Variants in ADAMTS2 observed in about 807,000 individuals in gnomAD.
The protein encoded by ADAMTS2 is ADAM metallopeptidase with thrombospondin type 1 motif 2.
A neutral mutation model predicts 123.0 loss-of-function variants in ADAMTS2; 50 were observed. The observed-to-expected ratio is 0.41, with a 90% CI of 0.32 to 0.51. The LOEUF (loss-of-function observed/expected upper bound fraction) is 0.51. Among genes scored for constraint, ADAMTS2 ranks in the 20% least tolerant of loss-of-function variants. The probability of loss-of-function intolerance (pLI) is 0.35; values close to 1 mark genes in which losing one functional copy is unlikely to be tolerated. For missense variants in ADAMTS2, 1,494 were observed against 1,705.2 expected, an observed-to-expected ratio of 0.88 and a Z score of 2.18; for synonymous variants, 678 against 695.4, an observed-to-expected ratio of 0.98 and a Z score of 0.39.
chr5:179,327,879 C>T (rs1050499755), intron 2 of ADAMTS2, among the ~76,000 whole-genome samples: 9 of 152,116 alleles, frequency 5.9e-5, no homozygotes, highest in South Asian at 2.1e-4. Flanking sequence ...TAACTGCACA[C>T]GTAGAGAATC....
chr5:179,288,170 T>G (rs1003226941), intron 2 of ADAMTS2, among the ~76,000 whole-genome samples: 3 of 152,192 alleles, frequency 2.0e-5, no homozygotes, highest in African/African-American at 7.2e-5. Context: ...TCCGGCCTCA[T>G]GCACACACAG....
intron 2 of ADAMTS2, among the ~76,000 whole-genome samples, chr5:179,323,952 A>G (rs1293679457): frequency 1.2e-4 from 19 of 152,274 alleles, no homozygotes; most frequent in Admixed American, 9.2e-4. Context: ...ATGGAATCAT[A>G]TCTTTCCATC....
intron 3 of ADAMTS2, among the ~76,000 whole-genome samples, chr5:179,233,357 T>C (rs1415680880): frequency 6.8e-6 from 1 of 147,524 alleles, no homozygotes; most frequent in Non-Finnish European, 1.5e-5. Flanking sequence ...CTTTGTTAAA[T>C]GCTATGCTTG....
chr5:179,236,121 A>G (rs1765516205), intron 3 of ADAMTS2, among the ~76,000 whole-genome samples: 1 of 152,198 alleles, frequency 6.6e-6, no homozygotes. Flanking sequence ...GCCCTCTGCC[A>G]TGAGGTCAGC....
chr5:179,209,690 G>A (rs113690481), intron 3 of ADAMTS2, among the ~76,000 whole-genome samples: 158 of 152,322 alleles, frequency 1.0e-3, no homozygotes, highest in Non-Finnish European at 1.9e-3. Flanking sequence ...GTGGGGAGCC[G>A]AGCAGTCCAC....
chr5:179,154,742 G>T, intron 7 of ADAMTS2, 72 bp downstream of exon 7: 1 of 1,273,234 alleles, frequency 7.9e-7, no homozygotes. Flanking sequence ...AGGCACAGAG[G>T]AGAAGTGGGC....
intron 5 of ADAMTS2, among the ~76,000 whole-genome samples, chr5:179,166,061 C>G (rs1441453581): frequency 6.6e-6 from 1 of 152,198 alleles, no homozygotes. Flanking sequence ...AACTGGGCTC[C>G]ACTGCCCGAG....
At chr5:179,263,355 C>T (rs1766280958) in intron 3 of ADAMTS2, among the ~76,000 whole-genome samples, 1 of 114,814 alleles carries the variant, frequency 8.7e-6, no homozygotes, top group African/African-American at 2.7e-5. Context: ...AGCATTATTC[C>T]CCCATGATTT....
intron 5 of ADAMTS2, among the ~76,000 whole-genome samples, chr5:179,169,568 C>T (rs1213395741): frequency 6.6e-6 from 1 of 152,148 alleles, no homozygotes; most frequent in African/African-American, 2.4e-5. Flanking sequence ...GACCCAGATG[C>T]TCAGGAGGAC....
In ADAMTS2 at chr5:179,202,058, A is replaced by T. The variant is rs1274341275; in HGVS notation, c.891+5455T>A. Among the ~76,000 whole-genome samples, 2 of 152,156 alleles carry T rather than the reference A, an allele frequency of 1.3e-5. No homozygotes were observed. Among genetic ancestry groups the T allele is most frequent in the African/African-American group, 4.8e-5 (2 of 41,442 alleles). On this transcript the variant is annotated intron_variant, in intron 4 of 21. Transcript: ENST00000251582. The surrounding 1 kb of genome is among the most constrained non-coding windows in gnomAD (Gnocchi z 4.0). ...TGAAAAGGGCAGCTTCATCTTTCCC[A>T]TAGAAAAGGGAATATCACGTCTTGT...
intron 2 of ADAMTS2, among the ~76,000 whole-genome samples, chr5:179,290,835 A>G (rs963055750): frequency 6.6e-6 from 1 of 152,168 alleles, no homozygotes; most frequent in Non-Finnish European, 1.5e-5. Context: ...GAGCAAGTAC[A>G]GAGGCCCTGA....
intron 3 of ADAMTS2, among the ~76,000 whole-genome samples, chr5:179,245,796 C>A (rs71596408): frequency 0.4 from 28,097 of 70,204 alleles, 5,232 homozygotes; most frequent in Non-Finnish European, 0.5. Flanking sequence ...AAAAAAAAAA[C>A]AAAAAAAACA....
intron 4 of ADAMTS2, among the ~76,000 whole-genome samples, chr5:179,186,532 C>A (rs1340581364): frequency 6.6e-6 from 1 of 152,164 alleles, no homozygotes; most frequent in Non-Finnish European, 1.5e-5. Flanking sequence ...CAGGAGGCTG[C>A]AAAATTGCCA....
Position 179,156,961 on chromosome 5 carries a change from C to CTT in ADAMTS2, c.1132+1760_1132+1761dup, listed in dbSNP as rs70997667. On this transcript the variant is annotated intron_variant, in intron 6 of 21. Transcript: ENST00000251582. ...ACCCTTGGCTGTCCTTTCATTTTTT[C>CTT]TTTTTTTTTTTTTTTTTTTTGAGAC... Among the ~76,000 whole-genome samples the CTT allele has an allele frequency of 3.9e-3, 426 of 108,364 alleles. 8 individuals are homozygous for CTT. Among genetic ancestry groups the CTT allele is most frequent in the Non-Finnish European group, 4.2e-3 (228 of 53,936 alleles). The allele number at this position is 108,364 out of a possible 152,430, so 71.1% of individuals were successfully genotyped here.
At chr5:179,340,430 G>A (rs1357574471) in intron 2 of ADAMTS2, among the ~76,000 whole-genome samples, 1 of 152,212 alleles carries the variant, frequency 6.6e-6, no homozygotes, top group African/African-American at 2.4e-5. Context: ...GCCTGCTCCC[G>A]GCTCCACTCA....
intron 2 of ADAMTS2, among the ~76,000 whole-genome samples, chr5:179,340,916 C>A (rs1001928073): frequency 6.6e-6 from 1 of 152,326 alleles, no homozygotes; most frequent in South Asian, 2.1e-4. Flanking sequence ...TCCGCAGCAA[C>A]GTGAGGCACA....
At chr5:179,282,849 G>A (rs1482307514) in intron 2 of ADAMTS2, among the ~76,000 whole-genome samples, 1 of 152,108 alleles carries the variant, frequency 6.6e-6, no homozygotes, top group African/African-American at 2.4e-5. Context: ...GCTGAGGCAG[G>A]CGGATCACGA....
intron 13 of ADAMTS2, among the ~76,000 whole-genome samples, chr5:179,134,271 C>A (rs947374803): frequency 1.3e-5 from 2 of 152,000 alleles, no homozygotes; most frequent in African/African-American, 4.8e-5. Context: ...CAGGGGTATC[C>A]AGTTCTAAGG....
At position 179,304,961 on chromosome 5, in the gene ADAMTS2, G is replaced by A. The variant is rs539511640; in HGVS notation, c.535-31897C>T. Among the ~76,000 whole-genome samples, 5 of 151,660 alleles carry A rather than the reference G, an allele frequency of 3.3e-5. No individual in the cohort carries two copies. The East Asian group carries it at 9.7e-4, about 29-fold the overall frequency. On this transcript the variant is annotated intron_variant, in intron 2 of 21. Transcript: ENST00000251582. ...TTGAAAGCAGTCAGAGAAAAACAGT[G>A]CATTACTTATAGGGGAAAAATGGTT... is the stretch of plus-strand genomic sequence containing the variant.
Sources: allele counts gnomAD v4.1 joint callset (sites outside exome capture counted in the v4.1 genomes callset), GRCh38; gene constraint gnomAD v4.1.1; non-coding constraint Gnocchi (gnomAD v3.1); transcripts MANE v1.5; gene names NCBI Gene and HGNC (gene_info 2026-07-23, HGNC 2026-07-21).